The following EBF1 variants were observed in gnomAD, a reference collection of about 807,000 sequenced individuals.
EBF1 encodes the protein transcription factor COE1.
In EBF1, 10 loss-of-function variants were observed where a neutral mutation model predicts 68.4. The observed-to-expected ratio is 0.15, with a 90% CI of 0.09 to 0.25. The LOEUF (loss-of-function observed/expected upper bound fraction) is 0.25. Among genes scored for constraint, EBF1 ranks in the 10% least tolerant of loss-of-function variants. The pLI, the probability that EBF1 is intolerant of heterozygous loss-of-function variation, is 1.00. For missense variants in EBF1, 509 were observed against 794.4 expected, an observed-to-expected ratio of 0.64 and a Z score of 4.32; for synonymous variants, 298 against 299.8, an observed-to-expected ratio of 0.99 and a Z score of 0.06.
intron 15 of EBF1, 37 bp from the exon 16 acceptor site, chr5:158,699,179 C>G: frequency 6.4e-7 from 1 of 1,571,154 alleles, no homozygotes; most frequent in South Asian, 1.2e-5. Context: ...GGTTTCTTTG[C>G]GTTCAAACTT....
At position 158,696,990 on chromosome 5, in the gene EBF1, T is replaced by C. The variant is rs568744099; in HGVS notation, c.*2121A>G. On this transcript the variant is annotated 3_prime_UTR_variant, in exon 16 of 16. Coordinates refer to ENST00000313708, the MANE Select transcript of EBF1 (RefSeq NM_024007.5). ...GCACAGTTACAATGTACAAGTGAAA[T>C]GAATATGATTTGCATTGTTAAGGCA... 7 of 192,088 alleles carry C rather than the reference T, an allele frequency of 3.6e-5. No homozygotes were observed. In the Admixed American group the frequency reaches 4.3e-4, roughly 12 times the overall value. 11.9% of individuals were successfully genotyped at this position (192,088 alleles called of 1,614,324 possible). A position where few individuals can be genotyped will look rare whatever the true frequency, so the allele number is the denominator to read the frequency against.
intron 10 of EBF1, among the ~76,000 whole-genome samples, chr5:158,738,557 T>G (rs1287094014): frequency 6.6e-6 from 1 of 152,258 alleles, no homozygotes; most frequent in Non-Finnish European, 1.5e-5. Context: ...AAACATACCC[T>G]GAGGTCATAT....
intron 6 of EBF1, among the ~76,000 whole-genome samples, chr5:159,044,560 C>G (rs1771930049): frequency 1.3e-5 from 2 of 152,152 alleles, no homozygotes; most frequent in African/African-American, 4.8e-5. Context: ...CCTCTCTCTT[C>G]CAGTGTAAGT....
intron 6 of EBF1, among the ~76,000 whole-genome samples, chr5:158,845,251 C>T (rs1459120370): frequency 1.3e-5 from 2 of 152,114 alleles, no homozygotes; most frequent in Non-Finnish European, 2.9e-5. Flanking sequence ...TAAGAGAAGC[C>T]TGAGTGAATT....
intron 6 of EBF1, among the ~76,000 whole-genome samples, chr5:158,943,752 G>A (rs1329218596): frequency 1.3e-5 from 2 of 152,190 alleles, no homozygotes; most frequent in African/African-American, 2.4e-5. Flanking sequence ...GAATAGTGGG[G>A]AGGGCAGGGG....
At chr5:158,956,030 G>GTA (rs1192245793) in intron 6 of EBF1, among the ~76,000 whole-genome samples, 2 of 5,584 alleles carry the variant, frequency 3.6e-4, no homozygotes, top group African/African-American at 2.5e-3. Flanking sequence ...AAATATAAAT[G>GTA]TGTGTGTGTG....
rs1270345067 is a variant in EBF1 at position 158,713,109 on chromosome 5, G to A, written c.1230C>T (p.Ala410=). 2.6e-6 allele frequency: 4 copies of A among 1,554,892 alleles called. No homozygotes were observed. The African/African-American group carries it at 5.5e-5, about 21-fold the overall frequency. ...TGTGGTTGCGGGGAACACTGTACAG[G>A]GCCTCGGCAATGTCGGCCGCTCTCT... ...ILKRAADIAE[A]LYSVPRNHNQ... The change falls in exon 13 of 16, where the codon GCC becomes GCT. Residue 410 remains alanine, a synonymous_variant. Transcript: ENST00000313708.
At chr5:158,816,059 C>T (rs947958486) in intron 8 of EBF1, among the ~76,000 whole-genome samples, 5 of 152,154 alleles carry the variant, frequency 3.3e-5, no homozygotes, top group African/African-American at 1.2e-4. Flanking sequence ...CAAAAGATGA[C>T]ACCAATATTT....
intron 6 of EBF1, among the ~76,000 whole-genome samples, chr5:158,862,067 A>AT (rs887997023): frequency 2.0e-5 from 3 of 152,136 alleles, no homozygotes; most frequent in Non-Finnish European, 2.9e-5. Context: ...TTACTTTCAA[A>AT]TTTTTTTGCT....
At position 158,743,209 on chromosome 5, in the gene EBF1, A is replaced by G. The variant is rs1250427923; in HGVS notation, c.1037-12052T>C. 2.0e-5 allele frequency among the ~76,000 whole-genome samples: 3 copies of G among 152,246 alleles called. 1 individual carries two copies. The highest frequency in any genetic ancestry group is 2.0e-4 in the Admixed American group (3 of 15,286). On this transcript the variant is annotated intron_variant, in intron 10 of 15. Transcript: ENST00000313708. ...TAATTCTCTGTAGTAGAGTCAGGGA[A>G]ATACTTAGCTCAAATATCTGAGTTG...
At position 158,830,707 on chromosome 5, in the gene EBF1, G is replaced by T. The variant is rs183996486; in HGVS notation, c.637-7390C>A. ...CATAAAAATAGTTTGCAGCAGTTAGGTCTTCATTAACTTTGTCCTTTAAAA... is the reference window on the plus strand; with the variant it reads ...CATAAAAATAGTTTGCAGCAGTTAGTTCTTCATTAACTTTGTCCTTTAAAA... On this transcript the variant is annotated intron_variant, in intron 7 of 15. Transcript: ENST00000313708. Among the ~76,000 whole-genome samples the T allele has an allele frequency of 2.6e-4, 39 of 152,314 alleles. No homozygotes were observed. In the East Asian group the frequency reaches 7.1e-3, roughly 28 times the overall value.
At chr5:158,857,123 T>C (rs1283729314) in intron 6 of EBF1, among the ~76,000 whole-genome samples, 4 of 152,076 alleles carry the variant, frequency 2.6e-5, no homozygotes, top group Non-Finnish European at 4.4e-5. Context: ...GAAGACCAAC[T>C]GTGTTGGTTA....
chr5:159,032,937 T>TA (rs58217281), intron 6 of EBF1, among the ~76,000 whole-genome samples: 10 of 149,910 alleles, frequency 6.7e-5, no homozygotes, highest in Admixed American at 3.3e-4. Flanking sequence ...AAACCTTGCT[T>TA]AAAAAAAAAA....
At chr5:158,748,378 C>T (rs762155006) in intron 10 of EBF1, among the ~76,000 whole-genome samples, 2 of 152,136 alleles carry the variant, frequency 1.3e-5, no homozygotes, top group Non-Finnish European at 2.9e-5. Context: ...CCGGATAACA[C>T]GGGTGGAATT....
intron 1 of EBF1, among the ~76,000 whole-genome samples, chr5:159,098,753 AG>A (rs1160028329): frequency 6.7e-6 from 1 of 148,426 alleles, no homozygotes. Context: ...GAAGGAGGGA[AG>A]AGGGGAAGAA....
intron 7 of EBF1, among the ~76,000 whole-genome samples, chr5:158,824,972 T>C (rs954545687): frequency 1.3e-5 from 2 of 152,194 alleles, no homozygotes; most frequent in Non-Finnish European, 2.9e-5. Context: ...TTAAAATGCA[T>C]AGGAAACAGT....
At chr5:158,834,719 C>G (rs1290854494) in intron 7 of EBF1, among the ~76,000 whole-genome samples, 1 of 152,198 alleles carries the variant, frequency 6.6e-6, no homozygotes, top group Non-Finnish European at 1.5e-5. Context: ...GAATGTCTTT[C>G]CATGTCAAGA....
intron 6 of EBF1, among the ~76,000 whole-genome samples, chr5:158,876,038 T>C (rs899195060): frequency 6.6e-6 from 1 of 152,216 alleles, no homozygotes; most frequent in Admixed American, 6.5e-5. Flanking sequence ...GAACCTTAGA[T>C]ATCTTCTGAT....
chr5:158,990,175 G>A (rs1760011822), intron 6 of EBF1, among the ~76,000 whole-genome samples: 1 of 152,158 alleles, frequency 6.6e-6, no homozygotes, highest in Admixed American at 6.5e-5. Context: ...GCAGCATAAA[G>A]AACGCAGAGA....
Sources: allele counts gnomAD v4.1 joint callset (sites outside exome capture counted in the v4.1 genomes callset), GRCh38; gene constraint gnomAD v4.1.1; transcripts MANE v1.5; gene names NCBI Gene and HGNC (gene_info 2026-07-23, HGNC 2026-07-21).